Variants in MEI4 observed in about 807,000 individuals in gnomAD.
MEI4 encodes meiosis-specific protein MEI4.
Under a neutral mutation model 31.4 loss-of-function variants are expected in MEI4, and 27 were observed. The ratio of observed to expected loss-of-function variants is 0.86; its 90% CI spans 0.63 to 1.19. The LOEUF (loss-of-function observed/expected upper bound fraction) is 1.19, where lower values mean the gene tolerates loss of function less well. MEI4 is among the 50% of genes most tolerant of loss of function. The pLI, the probability that MEI4 is intolerant of heterozygous loss-of-function variation, is 0.00. For synonymous variants in MEI4, 122 were observed against 145.4 expected (o/e 0.84, Z 1.16); for missense variants, 329 against 398.9 (o/e 0.82, Z 1.49).
chr6:77,757,048 T>C (rs917838124), intron 2 of MEI4, among the ~76,000 whole-genome samples: 3 of 152,186 alleles, frequency 2.0e-5, no homozygotes, highest in Admixed American at 6.5e-5. Context: ...TGGAAGGTGA[T>C]TGGACTTGGA....
chr6:77,858,930 CAT>C lies in MEI4; in HGVS notation c.900+29869_900+29870del, dbSNP rs562926815. ...TCTAAAAAAAAAAGAAAACAGGACA[CAT>C]GTGTAAAACGTGCAGGTTTGTTACA... On this transcript the variant is annotated intron_variant, in intron 4 of 4. Transcript: ENST00000684080. 1.9e-3 allele frequency among the ~76,000 whole-genome samples: 286 copies of C among 149,508 alleles called. 2 individuals carry two copies. The highest frequency in any genetic ancestry group is 5.8e-3 in the African/African-American group (235 of 40,582).
chr6:77,817,852 T>C (rs948625587), intron 3 of MEI4, among the ~76,000 whole-genome samples: 2 of 152,258 alleles, frequency 1.3e-5, no homozygotes, highest in African/African-American at 4.8e-5. Context: ...ATTTCATATT[T>C]CCTGTGGCCT....
intron 3 of MEI4, among the ~76,000 whole-genome samples, chr6:77,811,210 G>A (rs1769568413): frequency 6.6e-6 from 1 of 152,136 alleles, no homozygotes; most frequent in African/African-American, 2.4e-5. Flanking sequence ...CAAAGGTCTT[G>A]GTTTGAGTCC....
intron 1 of MEI4, among the ~76,000 whole-genome samples, chr6:77,680,527 G>A (rs1489239436): frequency 6.6e-6 from 1 of 152,040 alleles, no homozygotes; most frequent in Non-Finnish European, 1.5e-5. Context: ...TGCAACAAGA[G>A]CTATATTACC....
At chr6:77,706,551 C>T (rs535935158) in intron 2 of MEI4, among the ~76,000 whole-genome samples, 62 of 152,230 alleles carry the variant, frequency 4.1e-4, no homozygotes, top group African/African-American at 1.5e-3. Context: ...TTATCTTTTT[C>T]TCCTGTTAAC....
At chr6:77,810,092 C>A (rs1035901326) in intron 3 of MEI4, among the ~76,000 whole-genome samples, 1 of 152,164 alleles carries the variant, frequency 6.6e-6, no homozygotes, top group Non-Finnish European at 1.5e-5. Flanking sequence ...TAAATCAATG[C>A]ATGCTGAGCA....
chr6:77,911,022 A>C (rs550512584), intron 4 of MEI4, among the ~76,000 whole-genome samples: 114 of 149,676 alleles, frequency 7.6e-4, no homozygotes, highest in African/African-American at 2.8e-3. Flanking sequence ...TGATGATTAC[A>C]TTGAGCATTT....
At chr6:77,908,627 G>A (rs998163336) in intron 4 of MEI4, among the ~76,000 whole-genome samples, 2 of 152,048 alleles carry the variant, frequency 1.3e-5, no homozygotes, top group Non-Finnish European at 2.9e-5. Flanking sequence ...ACTTGGCAAT[G>A]TGGGCTCTTT....
intron 3 of MEI4, among the ~76,000 whole-genome samples, chr6:77,818,343 G>A (rs1769737770): frequency 6.6e-6 from 1 of 152,018 alleles, no homozygotes; most frequent in African/African-American, 2.4e-5. Flanking sequence ...AAAAAAGTGT[G>A]TCCCATTAGA....
intron 3 of MEI4, among the ~76,000 whole-genome samples, chr6:77,779,649 A>G (rs1364467393): frequency 2.0e-5 from 3 of 152,204 alleles, no homozygotes; most frequent in South Asian, 2.1e-4. Flanking sequence ...ATGCCATTTT[A>G]CCATAGCTGT....
chr6:77,736,215 C>T (rs771981419), intron 2 of MEI4, among the ~76,000 whole-genome samples: 65 of 152,138 alleles, frequency 4.3e-4, no homozygotes, highest in Non-Finnish European at 7.2e-4. Flanking sequence ...TGGGCAATGG[C>T]GGGCGCCCCT....
intron 4 of MEI4, among the ~76,000 whole-genome samples, chr6:77,915,361 G>C (rs968928530): frequency 6.6e-6 from 1 of 152,122 alleles, no homozygotes; most frequent in Non-Finnish European, 1.5e-5. Flanking sequence ...GCTTGTCTGG[G>C]AAATACTTAA....
chr6:77,736,634 C>T (rs1241240935), intron 2 of MEI4, among the ~76,000 whole-genome samples: 1 of 152,020 alleles, frequency 6.6e-6, no homozygotes, highest in Non-Finnish European at 1.5e-5. Context: ...CGGAGCTGTT[C>T]CTATTCGGCC....
chr6:77,821,522 A>C (rs796700131), intron 3 of MEI4, among the ~76,000 whole-genome samples: 32 of 152,148 alleles, frequency 2.1e-4, no homozygotes, highest in African/African-American at 7.5e-4. Context: ...CTGGCCGGGC[A>C]TGGTGGCTCA....
intron 4 of MEI4, among the ~76,000 whole-genome samples, chr6:77,919,525 A>G (rs1766650710): frequency 6.6e-6 from 1 of 152,070 alleles, no homozygotes; most frequent in Non-Finnish European, 1.5e-5. Flanking sequence ...TTATAGCACT[A>G]AATACCCACA....
intron 4 of MEI4, among the ~76,000 whole-genome samples, chr6:77,877,578 A>G (rs1771372917): frequency 1.3e-5 from 2 of 152,102 alleles, no homozygotes; most frequent in African/African-American, 4.8e-5. Flanking sequence ...AACTTGAATA[A>G]CAATCTTAAA....
chr6:77,773,518 T>C (rs1056885330), intron 3 of MEI4, among the ~76,000 whole-genome samples: 2 of 152,008 alleles, frequency 1.3e-5, no homozygotes, highest in Admixed American at 1.3e-4. Context: ...TCTGTCAACA[T>C]ATACAAAAAT....
chr6:77,838,385 G>C lies in MEI4; in HGVS notation c.900+9323G>C, dbSNP rs142194612. Among the ~76,000 whole-genome samples the C allele has an allele frequency of 1.4e-3, 213 of 152,156 alleles. 1 individual carries two copies. Among genetic ancestry groups the C allele is most frequent in the African/African-American group, 4.5e-3 (187 of 41,526 alleles). ...TCTTTTCTGAATTTCATTGTGTGAC[G>C]ATGGCACTGAGCATCTGAAGGGGAT... On this transcript the variant is annotated intron_variant, in intron 4 of 4. Coordinates refer to ENST00000684080, the MANE Select transcript of MEI4 (RefSeq NM_001322247.2).
At chr6:77,917,840 C>G (rs1253488690) in intron 4 of MEI4, among the ~76,000 whole-genome samples, 1 of 148,024 alleles carries the variant, frequency 6.8e-6, no homozygotes, top group Non-Finnish European at 1.5e-5. Context: ...GAAGTCGTTG[C>G]CCATGCCTAT....
Sources: allele counts gnomAD v4.1 joint callset (sites outside exome capture counted in the v4.1 genomes callset), GRCh38; gene constraint gnomAD v4.1.1; transcripts MANE v1.5; gene names NCBI Gene and HGNC (gene_info 2026-07-23, HGNC 2026-07-21).